Variants in UNC5C observed in about 807,000 individuals in gnomAD.
UNC5C encodes unc-5 netrin receptor C.
A neutral mutation model predicts 99.8 loss-of-function variants in UNC5C; 47 were observed. The ratio of observed to expected loss-of-function variants is 0.47; its 90% CI spans 0.37 to 0.60. The LOEUF is 0.60. UNC5C is among the 20% of genes least tolerant of loss of function. The probability of loss-of-function intolerance (pLI) is 0.00; values close to 1 mark genes in which losing one functional copy is unlikely to be tolerated. For missense variants in UNC5C, 1,062 were observed against 1,165.9 expected (o/e 0.91, Z 1.30); for synonymous variants, 487 against 452.2 (o/e 1.08, Z -0.98).
At chr4:95,364,674 T>A (rs931121292) in intron 1 of UNC5C, among the ~76,000 whole-genome samples, 1 of 152,176 alleles carries the variant, frequency 6.6e-6, no homozygotes, top group African/African-American at 2.4e-5. Flanking sequence ...TGACTTGGAA[T>A]ATGTACCTTA....
chr4:95,177,226 G>A (rs1736400079), intron 14 of UNC5C, among the ~76,000 whole-genome samples: 1 of 152,216 alleles, frequency 6.6e-6, no homozygotes, highest in African/African-American at 2.4e-5. Context: ...ACTGGGAGCT[G>A]TAGACTGGAG....
intron 1 of UNC5C, among the ~76,000 whole-genome samples, chr4:95,399,670 G>C (rs1745631251): frequency 1.3e-5 from 2 of 152,108 alleles, no homozygotes; most frequent in African/African-American, 4.8e-5. Flanking sequence ...TCTTCCTCTT[G>C]AATAACTTCT....
At chr4:95,342,305 C>A (rs560966569) in intron 1 of UNC5C, among the ~76,000 whole-genome samples, 10 of 151,954 alleles carry the variant, frequency 6.6e-5, no homozygotes, top group Non-Finnish European at 1.3e-4. Flanking sequence ...CTTTCTTTTG[C>A]CACTTAGCTA....
intron 1 of UNC5C, among the ~76,000 whole-genome samples, chr4:95,380,621 G>A (rs2149441701): frequency 6.6e-6 from 1 of 151,554 alleles, no homozygotes; most frequent in South Asian, 2.1e-4. Flanking sequence ...CATTTACCCA[G>A]AAAAGACAAA....
At chr4:95,315,299 T>C (rs1024225197) in intron 2 of UNC5C, among the ~76,000 whole-genome samples, 1 of 152,164 alleles carries the variant, frequency 6.6e-6, no homozygotes, top group Non-Finnish European at 1.5e-5. Context: ...GTACATTCAT[T>C]GTCATAACAA....
At chr4:95,545,907 G>C (rs1042148391) in intron 1 of UNC5C, among the ~76,000 whole-genome samples, 4 of 152,208 alleles carry the variant, frequency 2.6e-5, no homozygotes, top group African/African-American at 9.7e-5. Context: ...TAGCCAGAAA[G>C]GAGAAAGTTG....
intron 1 of UNC5C, among the ~76,000 whole-genome samples, chr4:95,349,306 AGAAT>A (rs1344399624): frequency 1.9e-5 from 2 of 106,378 alleles, no homozygotes; most frequent in Non-Finnish European, 4.3e-5. Context: ...AAAAATAAAA[AGAAT>A]GAGAGAGAAA....
intron 1 of UNC5C, among the ~76,000 whole-genome samples, chr4:95,349,645 C>T (rs1743912687): frequency 6.6e-6 from 1 of 151,528 alleles, no homozygotes; most frequent in Non-Finnish European, 1.5e-5. Flanking sequence ...TTAGAATAAC[C>T]ACAAGTCTCT....
intron 14 of UNC5C, among the ~76,000 whole-genome samples, chr4:95,177,824 C>G (rs1475812943): frequency 6.6e-6 from 1 of 151,938 alleles, no homozygotes; most frequent in Non-Finnish European, 1.5e-5. Context: ...ACCTCAGTCT[C>G]CCAAATAGCT....
chr4:95,302,080 A>G (rs1338860638), intron 2 of UNC5C, among the ~76,000 whole-genome samples: 1 of 152,206 alleles, frequency 6.6e-6, no homozygotes, highest in African/African-American at 2.4e-5. Flanking sequence ...TGAGTTTCAC[A>G]TCTTCTAGGG....
intron 1 of UNC5C, among the ~76,000 whole-genome samples, chr4:95,425,698 A>G (rs1746462361): frequency 6.6e-6 from 1 of 152,246 alleles, no homozygotes; most frequent in African/African-American, 2.4e-5. Context: ...GAAAACATAA[A>G]GCGTATAATT....
At chr4:95,170,426 TAAGAA>T in intron 14 of UNC5C, 94 bp from the exon 15 acceptor site, 6 of 1,401,682 alleles carry the variant, frequency 4.3e-6, no homozygotes, top group South Asian at 1.4e-5. Context: ...CTTTGAGTGA[TAAGAA>T]AAGAATGAAT....
chr4:95,479,499 T>G (rs1160481786), intron 1 of UNC5C, among the ~76,000 whole-genome samples: 1 of 151,994 alleles, frequency 6.6e-6, no homozygotes, highest in Non-Finnish European at 1.5e-5. Flanking sequence ...GGTTATTATT[T>G]GAGTAGACAG....
At chr4:95,509,770 ATAAT>A (rs1468240662) in intron 1 of UNC5C, among the ~76,000 whole-genome samples, 13 of 151,906 alleles carry the variant, frequency 8.6e-5, no homozygotes, top group Admixed American at 2.0e-4. Context: ...TTTAATTCAA[ATAAT>A]TATTTGCATA....
Position 95,298,630 on chromosome 4 carries a change from T to C in UNC5C, c.490+2976A>G, listed in dbSNP as rs765729960. 5.3e-4 allele frequency among the ~76,000 whole-genome samples: 80 copies of C among 152,078 alleles called. No homozygotes were observed. In the Middle Eastern group the frequency reaches 0.017, roughly 32 times the overall value. The stretch of plus-strand genomic sequence containing the variant: ...ACCACTCCCTCCCAGCCCTACAAAT[T>C]CCCTTTTCCTGCTGTATTTTTTCTT... On this transcript the variant is annotated intron_variant, in intron 3 of 15. Transcript: ENST00000453304.
At chr4:95,368,259 A>T (rs182317177) in intron 1 of UNC5C, among the ~76,000 whole-genome samples, 1 of 151,606 alleles carries the variant, frequency 6.6e-6, no homozygotes, top group East Asian at 1.9e-4. Flanking sequence ...TGTCTATAGA[A>T]ACTAAGTAAA....
chr4:95,401,221 G>A (rs1745686563), intron 1 of UNC5C, among the ~76,000 whole-genome samples: 1 of 152,106 alleles, frequency 6.6e-6, no homozygotes, highest in Admixed American at 6.5e-5. Context: ...GCATAAATTA[G>A]GGGAACTTCA....
chr4:95,304,513 AATCT>A (rs1461473087), intron 2 of UNC5C, among the ~76,000 whole-genome samples: 1 of 152,082 alleles, frequency 6.6e-6, no homozygotes, highest in Non-Finnish European at 1.5e-5. Flanking sequence ...CAATTCTGGA[AATCT>A]ATGGGAAGAT....
At chr4:95,209,024 G>T (rs369956950) in intron 10 of UNC5C, among the ~76,000 whole-genome samples, 4 of 152,180 alleles carry the variant, frequency 2.6e-5, no homozygotes, top group African/African-American at 9.6e-5. Flanking sequence ...TACCTTGAAA[G>T]ATAAAGACAA....
Sources: gnomAD v4.1 joint callset for allele counts (sites outside exome capture counted in the v4.1 genomes callset) on GRCh38, gnomAD v4.1.1 for gene constraint, MANE v1.5 for transcripts, NCBI Gene and HGNC (gene_info 2026-07-23, HGNC 2026-07-21) for gene names.